CC2D2B: variants seen among roughly 807,000 people sequenced by gnomAD.
CC2D2B encodes protein CC2D2B.
A neutral mutation model predicts 161.2 loss-of-function variants in CC2D2B; 128 were observed. The observed-to-expected ratio is 0.79, with a 90% confidence interval of 0.69 to 0.92. The LOEUF (loss-of-function observed/expected upper bound fraction) is 0.92, where lower values mean the gene tolerates loss of function less well. Among genes scored for constraint, CC2D2B ranks in the 40% least tolerant of loss-of-function variants. The probability of loss-of-function intolerance (pLI) is 0.00; values close to 1 mark genes in which losing one functional copy is unlikely to be tolerated. For missense variants in CC2D2B, 1,173 were observed against 1,375.1 expected, an observed-to-expected ratio of 0.85 and a Z score of 2.32; for synonymous variants, 391 against 449.8, an observed-to-expected ratio of 0.87 and a Z score of 1.65.
At chr10:95,982,841 G>A (rs756562614) in intron 18 of CC2D2B, among the ~76,000 whole-genome samples, 15 of 152,084 alleles carry the variant, frequency 9.9e-5, no homozygotes, top group Non-Finnish European at 2.1e-4. Flanking sequence ...GTGCGATCTC[G>A]GGTCACCACA....
chr10:95,993,950 G>GTA (rs1423889937), intron 22 of CC2D2B, among the ~76,000 whole-genome samples: 27 of 13,704 alleles, frequency 2.0e-3, no homozygotes, highest in Admixed American at 3.5e-3. Flanking sequence ...GTGTATGTAT[G>GTA]TGTATATATA....
intron 17 of CC2D2B, among the ~76,000 whole-genome samples, chr10:95,980,557 T>C (rs891324474): frequency 6.6e-6 from 1 of 152,184 alleles, no homozygotes; most frequent in East Asian, 1.9e-4. Context: ...TATTACATGA[T>C]GGTGTAAAGG....
intron 17 of CC2D2B, among the ~76,000 whole-genome samples, chr10:95,980,414 TTTG>T (rs143673703): frequency 0.017 from 2,515 of 151,986 alleles, 61 homozygotes; most frequent in African/African-American, 0.057. Flanking sequence ...TTCTTTGTTG[TTTG>T]TTGTTGTTGT....
chr10:95,930,913 G>A (rs950723326), intron 6 of CC2D2B, among the ~76,000 whole-genome samples: 52 of 152,142 alleles, frequency 3.4e-4, no homozygotes, highest in East Asian at 3.8e-4. Context: ...ATGAGTTAGC[G>A]AGGAGTCTCT....
At chr10:95,986,681 C>G (rs2077741761) in intron 19 of CC2D2B, among the ~76,000 whole-genome samples, 1 of 152,048 alleles carries the variant, frequency 6.6e-6, no homozygotes, top group African/African-American at 2.4e-5. Context: ...AGTGCAACCT[C>G]CACCTCCTGG....
rs566876863 is a variant in CC2D2B, at chr10:96,000,362, G to A, written c.2850-3790G>A. 31 of 277,346 alleles carry A rather than the reference G, an allele frequency of 1.1e-4. 1 individual carries two copies. The highest frequency in any genetic ancestry group is 6.2e-4 in the African/African-American group (26 of 41,668). The allele number at this position is 277,346 out of a possible 1,614,324, so 17.2% of individuals were successfully genotyped here. Reference sequence around the variant, plus strand: ...AAATAAATAAATAAATAAATAAAATGTATTTATATATTTATCTTTGAGGCG... The same window carrying A: ...AAATAAATAAATAAATAAATAAAATATATTTATATATTTATCTTTGAGGCG... On this transcript the variant is annotated intron_variant, in intron 24 of 34. Coordinates refer to ENST00000646931, the MANE Select transcript of CC2D2B (RefSeq NM_001349008.3).
chr10:96,031,206 C>A (rs1024005965), intron 34 of CC2D2B, among the ~76,000 whole-genome samples: 1 of 152,058 alleles, frequency 6.6e-6, no homozygotes, highest in East Asian at 1.9e-4. Flanking sequence ...GACCAGAAAA[C>A]AGGTAATTGC....
chr10:95,922,015 G>A lies in CC2D2B; in HGVS notation c.37-1G>A, dbSNP rs1344305624. 6.6e-7 allele frequency: 1 copy of A among 1,521,068 alleles called. No individual in the cohort carries two copies. Among genetic ancestry groups the A allele is most frequent in the Non-Finnish European group, 8.8e-7 (1 of 1,131,360 alleles). 94.2% of individuals were successfully genotyped at this position (1,521,068 alleles called of 1,614,324 possible). On this transcript the variant is annotated splice_acceptor_variant, in intron 2 of 34. Coordinates refer to ENST00000646931, the MANE Select transcript of CC2D2B (RefSeq NM_001349008.3). LOFTEE classifies it high-confidence loss of function. ...TTTAACCCTCCCTGCTTTTTTTGCA[G>A]ATGTCAGAAGAGATGGATAATATTA...
intron 9 of CC2D2B, among the ~76,000 whole-genome samples, chr10:95,946,723 C>T (rs1243560372): frequency 1.3e-5 from 2 of 151,994 alleles, no homozygotes; most frequent in East Asian, 1.9e-4. Flanking sequence ...GGAAAGGTTC[C>T]TAACTCAGGA....
At chr10:95,965,771 G>C in intron 12 of CC2D2B, 125 bp from the exon 13 acceptor site, 1 of 377,292 alleles carries the variant, frequency 2.7e-6, no homozygotes, top group Non-Finnish European at 4.6e-6. Context: ...AAAATTACTT[G>C]TAAGAGATTG....
intron 33 of CC2D2B, among the ~76,000 whole-genome samples, chr10:96,025,153 AAATAT>A (rs1490315996): frequency 4.3e-5 from 1 of 23,420 alleles, no homozygotes; most frequent in East Asian, 2.9e-3. Context: ...TACTAAAAAA[AAATAT>A]ATATATATAT....
At position 96,017,054 on chromosome 10, in the gene CC2D2B, T is replaced by TA. The variant is rs199778731; in HGVS notation, c.3630+748dup. ...TCTAATAAGTGTATTTTAAGATCTG[T>TA]AAAAAAAACACTTCTCCTCATGCTC... On this transcript the variant is annotated intron_variant, in intron 30 of 34. Transcript: ENST00000646931. Among the ~76,000 whole-genome samples, 307 of 152,024 alleles carry TA rather than the reference T, an allele frequency of 2.0e-3. 1 individual carries two copies. Among genetic ancestry groups the TA allele is most frequent in the Middle Eastern group, 3.4e-3 (1 of 294 alleles).
In CC2D2B at chr10:95,943,569, A is replaced by G. The variant is rs192263589; in HGVS notation, c.801+4644A>G. ...ATATTTTCAATACATTTTTTGCTTG[A>G]AAGTGTTCATTCGACATTTAATTCT... On this transcript the variant is annotated intron_variant, in intron 9 of 34. Coordinates refer to ENST00000646931, the MANE Select transcript of CC2D2B (RefSeq NM_001349008.3). 7.0e-4 allele frequency among the ~76,000 whole-genome samples: 106 copies of G among 152,256 alleles called. 2 individuals are homozygous for G. The highest frequency in any genetic ancestry group is 6.9e-3 in the Admixed American group (106 of 15,286).
chr10:95,940,170 C>T (rs1055615848), intron 9 of CC2D2B, among the ~76,000 whole-genome samples: 3 of 152,020 alleles, frequency 2.0e-5, no homozygotes, highest in African/African-American at 7.2e-5. Context: ...GGAGGTGCCA[C>T]CCACTTTTGA....
chr10:95,950,161 C>A, intron 10 of CC2D2B, 56 bp downstream of exon 10: 1 of 398,130 alleles, frequency 2.5e-6, no homozygotes. Flanking sequence ...AGAAAAAATT[C>A]CTTGTGCAGA....
intron 9 of CC2D2B, among the ~76,000 whole-genome samples, chr10:95,943,177 CA>C (rs1317454378): frequency 6.6e-6 from 1 of 152,174 alleles, no homozygotes; most frequent in Non-Finnish European, 1.5e-5. Flanking sequence ...TTGGAGTAGA[CA>C]AAACCTGTTC....
At chr10:95,913,104 C>T (rs1275131562) in intron 2 of CC2D2B, among the ~76,000 whole-genome samples, 1 of 151,656 alleles carries the variant, frequency 6.6e-6, no homozygotes, top group Non-Finnish European at 1.5e-5. Context: ...TCCCTGCCCC[C>T]CACCCAATAC....
At chr10:96,018,959 C>T in intron 30 of CC2D2B, 1 of 315,118 alleles carries the variant, frequency 3.2e-6, no homozygotes. Context: ...GCCGCTGTGC[C>T]CAGCAAATTA....
At chr10:96,013,247 T>C (rs936604541) in intron 28 of CC2D2B, among the ~76,000 whole-genome samples, 10 of 152,100 alleles carry the variant, frequency 6.6e-5, no homozygotes, top group African/African-American at 2.4e-4. Flanking sequence ...TCCAGCACTA[T>C]AGGGGAAAAA....
Sources: gnomAD v4.1 joint callset for allele counts (sites outside exome capture counted in the v4.1 genomes callset) on GRCh38, gnomAD v4.1.1 for gene constraint, MANE v1.5 for transcripts, NCBI Gene and HGNC (gene_info 2026-07-23, HGNC 2026-07-21) for gene names.